The following LRRTM4 variants were observed in gnomAD, a reference collection of about 807,000 sequenced individuals.
The protein encoded by LRRTM4 is leucine rich repeat transmembrane neuronal 4.
In LRRTM4, 25 loss-of-function variants were observed where a neutral mutation model predicts 47.6. The ratio of observed to expected loss-of-function variants is 0.53; its 90% CI spans 0.38 to 0.73. LRRTM4 has a LOEUF of 0.73. Among genes scored for constraint, LRRTM4 ranks in the 30% least tolerant of loss-of-function variants. The pLI, the probability that LRRTM4 is intolerant of heterozygous loss-of-function variation, is 0.00. For synonymous variants in LRRTM4, 311 were observed against 269.5 expected (o/e 1.15, Z -1.51); for missense variants, 638 against 713.4 (o/e 0.89, Z 1.20).
intron 3 of LRRTM4, among the ~76,000 whole-genome samples, chr2:77,146,791 T>C (rs979013475): frequency 6.6e-6 from 1 of 152,154 alleles, no homozygotes; most frequent in Non-Finnish European, 1.5e-5. Context: ...TCTTAAATAA[T>C]TTCATTTTCA....
intron 3 of LRRTM4, among the ~76,000 whole-genome samples, chr2:76,777,710 G>A (rs896549096): frequency 4.0e-5 from 6 of 150,392 alleles, no homozygotes; most frequent in Admixed American, 2.0e-4. Context: ...TGCAAACAGG[G>A]ACAATTTGAC....
At chr2:77,050,343 C>G (rs181966340) in intron 3 of LRRTM4, among the ~76,000 whole-genome samples, 255 of 152,176 alleles carry the variant, frequency 1.7e-3, no homozygotes, top group Middle Eastern at 6.8e-3. Context: ...ATTCTCTACT[C>G]GAGGCCTAAT....
chr2:76,972,637 G>A (rs947262805), intron 3 of LRRTM4, among the ~76,000 whole-genome samples: 7 of 151,766 alleles, frequency 4.6e-5, no homozygotes, highest in Middle Eastern at 3.4e-3. Flanking sequence ...CAGACTGGTC[G>A]ACTCGAACTC....
intron 3 of LRRTM4, among the ~76,000 whole-genome samples, chr2:76,901,992 G>A (rs758075782): frequency 4.6e-5 from 7 of 151,944 alleles, no homozygotes; most frequent in Non-Finnish European, 1.0e-4. Flanking sequence ...TGCCTCTTTG[G>A]GGTATCATTA....
intron 3 of LRRTM4, among the ~76,000 whole-genome samples, chr2:76,824,369 A>G (rs1671135197): frequency 6.6e-6 from 1 of 151,622 alleles, no homozygotes; most frequent in African/African-American, 2.4e-5. Context: ...TTGTATCTGC[A>G]TAATTGTCAT....
intron 3 of LRRTM4, among the ~76,000 whole-genome samples, chr2:77,437,655 A>G (rs1364040678): frequency 2.6e-5 from 4 of 152,154 alleles, no homozygotes; most frequent in Non-Finnish European, 5.9e-5. Context: ...AAAGTACAGT[A>G]CAAAACTTAA....
intron 3 of LRRTM4, among the ~76,000 whole-genome samples, chr2:76,932,650 A>G (rs1294052006): frequency 1.3e-5 from 2 of 152,054 alleles, no homozygotes; most frequent in East Asian, 3.8e-4. Context: ...TATTTCTAAA[A>G]TATTTTCTAA....
intron 3 of LRRTM4, among the ~76,000 whole-genome samples, chr2:77,224,962 G>A (rs1447302215): frequency 6.6e-6 from 1 of 151,848 alleles, no homozygotes; most frequent in Non-Finnish European, 1.5e-5. Context: ...TTAGAACCAA[G>A]CCAAATGTCC....
chr2:76,788,666 T>A (rs967448952), intron 3 of LRRTM4, among the ~76,000 whole-genome samples: 9 of 152,154 alleles, frequency 5.9e-5, no homozygotes, highest in Non-Finnish European at 1.2e-4. Flanking sequence ...GAGAGAAAAG[T>A]AATAGCACAA....
intron 3 of LRRTM4, among the ~76,000 whole-genome samples, chr2:77,484,168 A>T (rs189293236): frequency 6.6e-6 from 1 of 152,370 alleles, no homozygotes; most frequent in Admixed American, 6.5e-5. Context: ...ATTCACAGGC[A>T]GGCAGTTTGT....
intron 3 of LRRTM4, among the ~76,000 whole-genome samples, chr2:77,471,323 GA>G (rs1677180328): frequency 6.6e-6 from 1 of 152,096 alleles, no homozygotes; most frequent in African/African-American, 2.4e-5. Context: ...TTCCAAGAAT[GA>G]CTACTAACCA....
chr2:77,131,813 T>C (rs2103977385), intron 3 of LRRTM4, among the ~76,000 whole-genome samples: 1 of 152,332 alleles, frequency 6.6e-6, no homozygotes, highest in Admixed American at 6.5e-5. Flanking sequence ...GACTGTGTCT[T>C]ACTCTGTTTG....
intron 3 of LRRTM4, among the ~76,000 whole-genome samples, chr2:76,973,784 A>G (rs1676302803): frequency 1.3e-5 from 2 of 151,914 alleles, no homozygotes; most frequent in Non-Finnish European, 2.9e-5. Flanking sequence ...AGAATAACCA[A>G]AGTAGTGCAC....
intron 3 of LRRTM4, among the ~76,000 whole-genome samples, chr2:76,772,257 A>T (rs762466756): frequency 1.3e-4 from 20 of 152,156 alleles, no homozygotes; most frequent in Non-Finnish European, 2.6e-4. Context: ...AAGAGGGAGG[A>T]CATCAGATCA....
chr2:76,857,816 C>A (rs1326174564), intron 3 of LRRTM4, among the ~76,000 whole-genome samples: 5 of 152,064 alleles, frequency 3.3e-5, no homozygotes, highest in Non-Finnish European at 7.4e-5. Flanking sequence ...TTCTAACAGG[C>A]AAATAGGCAT....
At chr2:77,210,827 C>T (rs1163049268) in intron 3 of LRRTM4, among the ~76,000 whole-genome samples, 3 of 152,076 alleles carry the variant, frequency 2.0e-5, no homozygotes, top group Non-Finnish European at 4.4e-5. Flanking sequence ...GGCAAGTTCA[C>T]CAAATCTGTA....
intron 3 of LRRTM4, among the ~76,000 whole-genome samples, chr2:77,399,158 A>G (rs1393758792): frequency 6.7e-6 from 1 of 149,578 alleles, no homozygotes; most frequent in African/African-American, 2.5e-5. Flanking sequence ...GTCCAGAACA[A>G]CAGCAGGGCT....
chr2:77,279,973 G>A (rs559622351), intron 3 of LRRTM4, among the ~76,000 whole-genome samples: 3 of 152,032 alleles, frequency 2.0e-5, no homozygotes, highest in East Asian at 1.9e-4. Context: ...CTCCCCACTC[G>A]AAGATGTCCA....
chr2:77,000,811 T>A (rs1006791524), intron 3 of LRRTM4, among the ~76,000 whole-genome samples: 2 of 152,114 alleles, frequency 1.3e-5, no homozygotes, highest in African/African-American at 4.8e-5. Flanking sequence ...CTTTTTTTCT[T>A]CTTTTCCTGA....
Sources: gnomAD v4.1 joint callset for allele counts (sites outside exome capture counted in the v4.1 genomes callset) on GRCh38, gnomAD v4.1.1 for gene constraint, MANE v1.5 for transcripts, NCBI Gene and HGNC (gene_info 2026-07-23, HGNC 2026-07-21) for gene names.